The following CYB5A variants were observed in gnomAD, a reference collection of about 807,000 sequenced individuals.
CYB5A encodes cytochrome b5.
In CYB5A, 10 loss-of-function variants were observed where a neutral mutation model predicts 16.2. That is an observed-to-expected ratio of 0.62 (90% CI 0.38 to 1.04). The LOEUF is 1.04. Ranked by LOEUF, CYB5A falls within the 50% of genes least tolerant of loss-of-function variation. The pLI is 0.01. For missense variants in CYB5A, 161 were observed against 165.9 expected, an observed-to-expected ratio of 0.97 and a Z score of 0.16; for synonymous variants, 62 against 57.0, an observed-to-expected ratio of 1.09 and a Z score of -0.40.
chr18:74,257,169 C>T (rs927646535), intron 3 of CYB5A: 1 of 361,910 alleles, frequency 2.8e-6, no homozygotes, highest in Non-Finnish European at 5.1e-6. Flanking sequence ...ACATCCACGG[C>T]GTCGTTAAAA....
chr18:74,276,528 G>GCACACA (rs57747358), intron 1 of CYB5A, among the ~76,000 whole-genome samples: 17,388 of 144,802 alleles, frequency 0.12, 1,201 homozygotes, highest in South Asian at 0.24. Context: ...AAAAGATTCA[G>GCACACA]CACACACACA....
chr18:74,266,298 G>C (rs1374470909), intron 1 of CYB5A, among the ~76,000 whole-genome samples: 1 of 152,184 alleles, frequency 6.6e-6, no homozygotes, highest in Non-Finnish European at 1.5e-5. Context: ...AAATGACTCA[G>C]CCAGGACCCA....
chr18:74,253,876 G>A (rs1411988133), intron 4 of CYB5A, among the ~76,000 whole-genome samples: 1 of 152,204 alleles, frequency 6.6e-6, no homozygotes, highest in Admixed American at 6.5e-5. Context: ...CTGGCTTTAT[G>A]AGAAAACTCA....
chr18:74,268,032 C>A (rs1381563301), intron 1 of CYB5A, among the ~76,000 whole-genome samples: 1 of 152,188 alleles, frequency 6.6e-6, no homozygotes, highest in Non-Finnish European at 1.5e-5. Flanking sequence ...GGAAGATTTC[C>A]ATTTGTTTTT....
At position 74,253,482 on chromosome 18, in the gene CYB5A, T is replaced by A; in HGVS notation, c.*102A>T. The A allele has an allele frequency of 1.4e-6, 1 of 721,852 alleles. No individual in the cohort carries two copies. The highest frequency in any genetic ancestry group is 1.5e-5 in the South Asian group (1 of 66,020). 44.7% of individuals were successfully genotyped at this position (721,852 alleles called of 1,614,324 possible). ...AAAGAAAGAGATATATTAAAATCAT[T>A]GTTTTCAAGTGAAGGTTTCTGTCAG... is the stretch of plus-strand genomic sequence containing the variant. On this transcript the variant is annotated 3_prime_UTR_variant, in exon 5 of 5. Transcript: ENST00000340533.
intron 1 of CYB5A, among the ~76,000 whole-genome samples, chr18:74,274,314 T>A (rs1370940031): frequency 6.6e-6 from 1 of 152,204 alleles, no homozygotes; most frequent in East Asian, 1.9e-4. Flanking sequence ...AAATGCTAAA[T>A]AAATGTATTA....
chr18:74,267,091 GT>G (rs1982471229), intron 1 of CYB5A, among the ~76,000 whole-genome samples: 1 of 152,004 alleles, frequency 6.6e-6, no homozygotes, highest in South Asian at 2.1e-4. Context: ...TCTAAATCAT[GT>G]TTTGAAACTT....
intron 1 of CYB5A, among the ~76,000 whole-genome samples, chr18:74,282,346 T>C (rs1983144316): frequency 6.6e-6 from 1 of 151,752 alleles, no homozygotes; most frequent in Admixed American, 6.6e-5. Flanking sequence ...AGTTACTTTC[T>C]GGCACCGGAC....
At chr18:74,268,232 C>T (rs970860452) in intron 1 of CYB5A, among the ~76,000 whole-genome samples, 2 of 152,190 alleles carry the variant, frequency 1.3e-5, no homozygotes, top group African/African-American at 2.4e-5. Flanking sequence ...GAGTTTAGTG[C>T]CATGAAGAAT....
intron 1 of CYB5A, among the ~76,000 whole-genome samples, chr18:74,273,693 A>G (rs1334354082): frequency 1.3e-5 from 2 of 152,330 alleles, no homozygotes; most frequent in East Asian, 1.9e-4. Flanking sequence ...AAAATGCTCA[A>G]TGCAGGTGGG....
chr18:74,280,989 C>T lies in CYB5A; in HGVS notation c.129+10758G>A, dbSNP rs138384334. 7.9e-5 allele frequency among the ~76,000 whole-genome samples: 12 copies of T among 152,114 alleles called. No homozygotes were observed. In the East Asian group the frequency reaches 1.2e-3, roughly 15 times the overall value. ...CTCTATTATGGTGAGAATATGCTGTCGGGGGCAGGAGGGGACCACGCGAGA... is the reference window on the plus strand; with the variant it reads ...CTCTATTATGGTGAGAATATGCTGTTGGGGGCAGGAGGGGACCACGCGAGA... On this transcript the variant is annotated intron_variant, in intron 1 of 4. Transcript: ENST00000340533.
intron 1 of CYB5A, among the ~76,000 whole-genome samples, chr18:74,269,793 C>A (rs1982599774): frequency 6.6e-6 from 1 of 152,164 alleles, no homozygotes; most frequent in African/African-American, 2.4e-5. Flanking sequence ...CACCCAGGGA[C>A]AACAGCAATT....
intron 1 of CYB5A, among the ~76,000 whole-genome samples, chr18:74,266,397 T>C (rs1308286101): frequency 6.6e-6 from 1 of 152,240 alleles, no homozygotes; most frequent in African/African-American, 2.4e-5. Context: ...GTTAAGGATA[T>C]GTCAGTGGAG....
chr18:74,256,697 A>G, intron 3 of CYB5A: 1 of 830,834 alleles, frequency 1.2e-6, no homozygotes, highest in Non-Finnish European at 2.0e-6. Context: ...GCAAAGATAA[A>G]AAGCATTAGC....
intron 2 of CYB5A, among the ~76,000 whole-genome samples, chr18:74,261,892 C>T (rs1262980553): frequency 6.6e-6 from 1 of 152,172 alleles, no homozygotes; most frequent in East Asian, 1.9e-4. Flanking sequence ...GGGCTCCTAG[C>T]AGGTCTTTGT....
At chr18:74,270,225 C>T (rs900440839) in intron 1 of CYB5A, among the ~76,000 whole-genome samples, 9 of 151,934 alleles carry the variant, frequency 5.9e-5, no homozygotes, top group Non-Finnish European at 1.0e-4. Context: ...TCTGCTCAAA[C>T]GTTAACACCT....
intron 1 of CYB5A, among the ~76,000 whole-genome samples, chr18:74,275,518 C>A (rs1034878966): frequency 1.3e-5 from 2 of 152,174 alleles, no homozygotes; most frequent in African/African-American, 4.8e-5. Flanking sequence ...TTCTTTAGGG[C>A]AAATAAACTC....
chr18:74,281,409 C>T (rs908328605), intron 1 of CYB5A, among the ~76,000 whole-genome samples: 2 of 152,116 alleles, frequency 1.3e-5, no homozygotes, highest in Admixed American at 1.3e-4. Flanking sequence ...AAGCCCAGGC[C>T]CCAGGGGGGC....
In CYB5A at chr18:74,252,989, C is replaced by T. The variant is rs1467113508; in HGVS notation, c.*595G>A. 6.4e-6 allele frequency: 1 copy of T among 156,020 alleles called. No individual in the cohort carries two copies. The highest frequency in any genetic ancestry group is 1.4e-5 in the Non-Finnish European group (1 of 70,610). The allele number at this position is 156,020 out of a possible 1,614,324, so 9.7% of individuals were successfully genotyped here. ...AAGTGCTGGGCTTACAGGTGTGAGCCACGATGCCCAGCCGCTACTTTCTTT... is the reference window on the plus strand; with the variant it reads ...AAGTGCTGGGCTTACAGGTGTGAGCTACGATGCCCAGCCGCTACTTTCTTT... On this transcript the variant is annotated 3_prime_UTR_variant, in exon 5 of 5. Transcript: ENST00000340533.
Sources: gnomAD v4.1 joint callset for allele counts (sites outside exome capture counted in the v4.1 genomes callset) on GRCh38, gnomAD v4.1.1 for gene constraint, MANE v1.5 for transcripts, NCBI Gene and HGNC (gene_info 2026-07-23, HGNC 2026-07-21) for gene names.